LTBP1: variants seen among roughly 807,000 people sequenced by gnomAD.
LTBP1 encodes the protein latent-transforming growth factor beta-binding protein 1.
Under a neutral mutation model 207.6 loss-of-function variants are expected in LTBP1, and 129 were observed. The observed-to-expected ratio is 0.62, with a 90% CI of 0.54 to 0.72. LTBP1 has a LOEUF of 0.72. Among genes scored for constraint, LTBP1 ranks in the 30% least tolerant of loss-of-function variants. The pLI, the probability that LTBP1 is intolerant of heterozygous loss-of-function variation, is 0.00. For synonymous variants in LTBP1, 963 were observed against 833.7 expected (o/e 1.16, Z -2.67); for missense variants, 2,281 against 2,217.2 (o/e 1.03, Z -0.58).
rs556729255 is a variant in LTBP1 at position 33,027,850 on chromosome 2, G to A, written c.863+6644G>A. On this transcript the variant is annotated intron_variant, in intron 3 of 33. Transcript: ENST00000404816. The stretch of plus-strand genomic sequence containing the variant: ...GACTCCATCTCAGAAAAAAGAAAAA[G>A]AAATTCTACAATAAGACCTTTTTGA... Among the ~76,000 whole-genome samples, 47 of 152,216 alleles carry A rather than the reference G, an allele frequency of 3.1e-4. 1 individual carries two copies. In the South Asian group the frequency reaches 9.8e-3, roughly 32 times the overall value.
chr2:33,156,474 T>A (rs893183102), intron 5 of LTBP1, among the ~76,000 whole-genome samples: 12 of 152,338 alleles, frequency 7.9e-5, no homozygotes, highest in African/African-American at 2.6e-4. Flanking sequence ...AGTTTTGTAT[T>A]GTACTTGTGC....
intron 15 of LTBP1, among the ~76,000 whole-genome samples, chr2:33,272,602 C>T (rs2093345507): frequency 6.6e-6 from 1 of 152,200 alleles, no homozygotes. Flanking sequence ...CTCTTTCATT[C>T]TCATACTTTG....
chr2:33,033,510 G>T (rs780973072), intron 3 of LTBP1, among the ~76,000 whole-genome samples: 1 of 151,986 alleles, frequency 6.6e-6, no homozygotes, highest in Non-Finnish European at 1.5e-5. Context: ...AGATGCAAGC[G>T]GGAAAGAGAT....
In LTBP1 at chr2:33,367,201, C is replaced by T. The variant is rs79803477; in HGVS notation, c.4711+1698C>T. Among the ~76,000 whole-genome samples the T allele has an allele frequency of 5.8e-3, 883 of 152,238 alleles. 32 individuals carry two copies. In the East Asian group the frequency reaches 0.11, roughly 19 times the overall value. On this transcript the variant is annotated intron_variant, in intron 31 of 33. Coordinates refer to ENST00000404816, the MANE Select transcript of LTBP1 (RefSeq NM_206943.4). ...AAGCTACACTTTGCTTGTTATTTTGCACTTCAGCATCCCTGAGATTGGGGT... is the reference window on the plus strand; with the variant it reads ...AAGCTACACTTTGCTTGTTATTTTGTACTTCAGCATCCCTGAGATTGGGGT...
intron 7 of LTBP1, among the ~76,000 whole-genome samples, chr2:33,206,024 C>T (rs963272170): frequency 6.6e-6 from 1 of 152,038 alleles, no homozygotes; most frequent in Admixed American, 6.6e-5. Flanking sequence ...AAAAAAAAAT[C>T]TATTGTTTAA....
chr2:33,149,272 G>T (rs2083326776), intron 5 of LTBP1, among the ~76,000 whole-genome samples: 1 of 146,018 alleles, frequency 6.8e-6, no homozygotes, highest in Non-Finnish European at 1.5e-5. Flanking sequence ...GAGCTCCCAT[G>T]GCAGGTAATA....
At chr2:33,064,917 GC>G (rs1345632743) in intron 3 of LTBP1, among the ~76,000 whole-genome samples, 2 of 152,132 alleles carry the variant, frequency 1.3e-5, no homozygotes, top group Non-Finnish European at 1.5e-5. Context: ...TATTTTACTA[GC>G]CAGGACTGCT....
At chr2:33,185,823 A>G (rs1161833023) in intron 5 of LTBP1, among the ~76,000 whole-genome samples, 1 of 152,346 alleles carries the variant, frequency 6.6e-6, no homozygotes, top group Non-Finnish European at 1.5e-5. Flanking sequence ...TCAACAAACA[A>G]TTATGGTGGA....
At chr2:33,319,178 A>G (rs1442584775) in intron 24 of LTBP1, among the ~76,000 whole-genome samples, 5 of 152,030 alleles carry the variant, frequency 3.3e-5, no homozygotes. Context: ...CAGGTGGATC[A>G]CCTGAGGTCA....
intron 25 of LTBP1, among the ~76,000 whole-genome samples, 191 bp downstream of exon 25, chr2:33,343,154 C>T (rs2094651770): frequency 6.6e-6 from 1 of 152,146 alleles, no homozygotes; most frequent in Admixed American, 6.5e-5. Context: ...GTAACCCCAG[C>T]ACTTTGGGAG....
chr2:33,293,030 G>C, intron 19 of LTBP1, 130 bp from the exon 20 acceptor site: 5 of 939,024 alleles, frequency 5.3e-6, no homozygotes, highest in Non-Finnish European at 7.8e-6. Context: ...GGGCTAATTT[G>C]AAAGTTTATC....
rs546913971 is a variant in LTBP1, at chr2:33,082,479, C to T, written c.864-28103C>T. ...TTTTTTTTTTTTTGAGAAGGAGTCT[C>T]GCTCTGTTGCCCAGGCCAGAGTGCA... On this transcript the variant is annotated intron_variant, in intron 3 of 33. Transcript: ENST00000404816. Among the ~76,000 whole-genome samples the T allele has an allele frequency of 1.8e-4, 20 of 108,732 alleles. No individual in the cohort carries two copies. The East Asian group carries it at 5.3e-3, about 29-fold the overall frequency. 71.3% of individuals were successfully genotyped at this position (108,732 alleles called of 152,430 possible).
At chr2:33,178,087 A>G (rs943064273) in intron 5 of LTBP1, among the ~76,000 whole-genome samples, 2 of 152,194 alleles carry the variant, frequency 1.3e-5, no homozygotes, top group African/African-American at 4.8e-5. Flanking sequence ...ATTTTTGCAG[A>G]TGGAGACACT....
chr2:33,150,758 G>C (rs1443697969), intron 5 of LTBP1, among the ~76,000 whole-genome samples: 1 of 100,466 alleles, frequency 1.0e-5, no homozygotes, highest in Non-Finnish European at 1.8e-5. Context: ...TCGCTCTGTT[G>C]CCCAGGCTGG....
intron 32 of LTBP1, among the ~76,000 whole-genome samples, chr2:33,396,054 A>C (rs1227745248): frequency 6.6e-6 from 1 of 152,064 alleles, no homozygotes; most frequent in Non-Finnish European, 1.5e-5. Context: ...ATGCCTGGCT[A>C]AATTGTTTTT....
chr2:33,188,452 G>A, intron 6 of LTBP1, 125 bp from the exon 7 acceptor site: 1 of 367,836 alleles, frequency 2.7e-6, no homozygotes, highest in Non-Finnish European at 4.8e-6. Context: ...AAAGAATTTT[G>A]ATGGCTATGC....
At chr2:33,294,063 T>G (rs1169849415) in intron 20 of LTBP1, among the ~76,000 whole-genome samples, 2 of 136,354 alleles carry the variant, frequency 1.5e-5, no homozygotes, top group Admixed American at 8.7e-5. Context: ...TAGAGTGCAG[T>G]GGCATGATCT....
chr2:33,099,997 C>T (rs1180684081), intron 3 of LTBP1, among the ~76,000 whole-genome samples: 1 of 152,112 alleles, frequency 6.6e-6, no homozygotes, highest in Non-Finnish European at 1.5e-5. Flanking sequence ...GTGGAGAGTT[C>T]AATAAAACAA....
At chr2:33,096,917 T>C (rs1045738097) in intron 3 of LTBP1, among the ~76,000 whole-genome samples, 11 of 152,162 alleles carry the variant, frequency 7.2e-5, no homozygotes, top group African/African-American at 2.7e-4. Context: ...GAGAAAGTGA[T>C]AGCAGGTGGT....
Sources: allele counts gnomAD v4.1 joint callset (sites outside exome capture counted in the v4.1 genomes callset), GRCh38; gene constraint gnomAD v4.1.1; transcripts MANE v1.5; gene names NCBI Gene and HGNC (gene_info 2026-07-23, HGNC 2026-07-21).